PREX1: variants seen among roughly 807,000 people sequenced by gnomAD.
PREX1 encodes the protein phosphatidylinositol 3,4,5-trisphosphate-dependent Rac exchanger 1 protein.
Under a neutral mutation model 198.3 loss-of-function variants are expected in PREX1, and 41 were observed. The observed-to-expected ratio is 0.21, with a 90% CI of 0.16 to 0.27. The LOEUF (loss-of-function observed/expected upper bound fraction) is 0.27, where lower values mean the gene tolerates loss of function less well. Among genes scored for constraint, PREX1 ranks in the 10% least tolerant of loss-of-function variants. The pLI, the probability that PREX1 is intolerant of heterozygous loss-of-function variation, is 1.00. For synonymous variants in PREX1, 843 were observed against 887.2 expected (o/e 0.95, Z 0.89); for missense variants, 1,620 against 2,200.7 (o/e 0.74, Z 5.28).
At chr20:48,731,683 C>T (rs548801476) in intron 4 of PREX1, among the ~76,000 whole-genome samples, 2 of 152,354 alleles carry the variant, frequency 1.3e-5, no homozygotes, top group African/African-American at 4.8e-5. Context: ...CCATAACAGA[C>T]TCATGACAGC....
At chr20:48,670,396 C>T (rs1261680779) in intron 14 of PREX1, among the ~76,000 whole-genome samples, 2 of 152,056 alleles carry the variant, frequency 1.3e-5, no homozygotes, top group African/African-American at 4.8e-5. Context: ...TGCATTTCTG[C>T]AGAGCCAGCA....
intron 1 of PREX1, among the ~76,000 whole-genome samples, chr20:48,823,374 C>T (rs1013607813): frequency 2.0e-5 from 3 of 152,118 alleles, no homozygotes; most frequent in African/African-American, 7.2e-5. Context: ...GGCCCAAGGT[C>T]TACTCAGCCT....
chr20:48,724,964 C>T (rs1470165943), intron 5 of PREX1, among the ~76,000 whole-genome samples: 1 of 152,214 alleles, frequency 6.6e-6, no homozygotes, highest in African/African-American at 2.4e-5. Context: ...TTCGAGATTG[C>T]TGGGAGAGAT....
chr20:48,822,775 G>C (rs1469928474), intron 1 of PREX1, among the ~76,000 whole-genome samples: 2 of 151,962 alleles, frequency 1.3e-5, no homozygotes, highest in South Asian at 2.1e-4. Flanking sequence ...TATAACACAC[G>C]TGTATATTAT....
chr20:48,650,974 T>G lies in PREX1; in HGVS notation c.2737A>C (p.Thr913Pro). ...RLMALSSAIV[T>P]MPHFEFRNIC... Reference sequence around the variant, plus strand: ...TTGCGGAACTCAAAGTGGGGCATGGTCACGATGGCGCTGCTCAGGGCCATG... The same window carrying G: ...TTGCGGAACTCAAAGTGGGGCATGGGCACGATGGCGCTGCTCAGGGCCATG... Residue 913 changes from threonine (T) to proline (P), a missense_variant, in exon 23 of 40, where the codon ACC becomes CCC. Thr to Pro is a conservative substitution (Grantham distance 38). Coordinates refer to ENST00000371941, the MANE Select transcript of PREX1 (RefSeq NM_020820.4). The G allele has an allele frequency of 6.2e-7, 1 of 1,614,172 alleles. No individual in the cohort carries two copies. The highest frequency in any genetic ancestry group is 8.5e-7 in the Non-Finnish European group (1 of 1,180,038).
chr20:48,803,713 C>T (rs948008595), intron 1 of PREX1, among the ~76,000 whole-genome samples: 9 of 152,148 alleles, frequency 5.9e-5, no homozygotes, highest in South Asian at 2.1e-4. Flanking sequence ...GTGGGGCAGC[C>T]GGCACCTCAC....
rs1449893652 is a variant in PREX1, at chr20:48,681,353, T to G, written c.1335-18A>C. The G allele has an allele frequency of 1.2e-6, 2 of 1,612,362 alleles. No homozygotes were observed. Among genetic ancestry groups the G allele is most frequent in the Non-Finnish European group, 1.7e-6 (2 of 1,178,362 alleles). ...CGAACTCACTGCCAGGAACACAATA[T>G]GTGGTTGAGAGGATTTCCCCAATTC... On this transcript the variant is annotated intron_variant, in intron 10 of 39. Coordinates refer to ENST00000371941, the MANE Select transcript of PREX1 (RefSeq NM_020820.4).
chr20:48,852,939 C>T, the PREX1 span, among the ~76,000 whole-genome samples: 3,974 of 152,038 alleles, frequency 0.026, 199 homozygotes, highest in African/African-American at 0.091. Flanking sequence ...GAGTGGGTAA[C>T]CACTTATATA....
chr20:48,774,376 T>C (rs1394045829), intron 1 of PREX1, among the ~76,000 whole-genome samples: 1 of 152,202 alleles, frequency 6.6e-6, no homozygotes, highest in Non-Finnish European at 1.5e-5. Flanking sequence ...TCTCTGTGTG[T>C]CTTCCACTTT....
chr20:48,780,032 T>C (rs2090281232), intron 1 of PREX1, among the ~76,000 whole-genome samples: 1 of 152,244 alleles, frequency 6.6e-6, no homozygotes, highest in African/African-American at 2.4e-5. Context: ...AATTAAATGT[T>C]TGAAAAATTT....
At chr20:48,746,823 T>C (rs2090109777) in intron 2 of PREX1, among the ~76,000 whole-genome samples, 1 of 152,118 alleles carries the variant, frequency 6.6e-6, no homozygotes, top group Non-Finnish European at 1.5e-5. Flanking sequence ...AAATAATTTG[T>C]AAACTATAAC....
At chr20:48,673,610 C>G (rs1258386567) in intron 14 of PREX1, among the ~76,000 whole-genome samples, 5 of 152,176 alleles carry the variant, frequency 3.3e-5, no homozygotes. Context: ...GCACCTAAAC[C>G]ACAAAAGAAA....
chr20:48,685,117 T>C (rs1171366858), intron 10 of PREX1, among the ~76,000 whole-genome samples: 1 of 152,154 alleles, frequency 6.6e-6, no homozygotes, highest in Non-Finnish European at 1.5e-5. Flanking sequence ...TTGTCTGATT[T>C]CCCCCACTGG....
At chr20:48,651,304 T>C in intron 22 of PREX1, 92 bp downstream of exon 22, 6 of 1,482,282 alleles carry the variant, frequency 4.0e-6, no homozygotes, top group Non-Finnish European at 5.4e-6. Flanking sequence ...GGGATTCGGG[T>C]GTCCCACCCA....
In PREX1 at chr20:48,625,940, G is replaced by A. The variant is rs1436350414; in HGVS notation, c.4938-13C>T. 1.9e-6 allele frequency: 3 copies of A among 1,546,766 alleles called. No homozygotes were observed. Among genetic ancestry groups the A allele is most frequent in the Admixed American group, 2.1e-5 (1 of 47,334 alleles). Reference sequence around the variant, plus strand: ...GAGGCGGTAGAGGCTGGGGATGGAGGCAAAGAGAATGAGGAGAGGCCGGGG... The same window carrying A: ...GAGGCGGTAGAGGCTGGGGATGGAGACAAAGAGAATGAGGAGAGGCCGGGG... On this transcript the variant is annotated splice_polypyrimidine_tract_variant and intron_variant, in intron 39 of 39. Coordinates refer to ENST00000371941, the MANE Select transcript of PREX1 (RefSeq NM_020820.4).
Position 48,654,264 on chromosome 20 carries a change from G to A in PREX1, c.2210-767C>T, listed in dbSNP as rs541955323. On this transcript the variant is annotated intron_variant, in intron 19 of 39. Transcript: ENST00000371941. Reference sequence around the variant, plus strand: ...TAACACGTGTGCAGCATTTAGCATCGTGCCTGGCACTCGGTAAGTGCTCAA... The same window carrying A: ...TAACACGTGTGCAGCATTTAGCATCATGCCTGGCACTCGGTAAGTGCTCAA... Among the ~76,000 whole-genome samples the A allele has an allele frequency of 2.0e-4, 30 of 152,366 alleles. No homozygotes were observed. In the South Asian group the frequency reaches 5.2e-3, roughly 26 times the overall value.
chr20:48,816,170 C>G (rs1008806017), intron 1 of PREX1, among the ~76,000 whole-genome samples: 3 of 152,152 alleles, frequency 2.0e-5, no homozygotes, highest in Non-Finnish European at 4.4e-5. Context: ...ATGAGGCCAA[C>G]AGCCAATCAG....
chr20:48,791,438 C>T (rs1289852835), intron 1 of PREX1, among the ~76,000 whole-genome samples: 1 of 152,144 alleles, frequency 6.6e-6, no homozygotes, highest in Non-Finnish European at 1.5e-5. Flanking sequence ...AGTCATTTGC[C>T]CCAAGGTCAC....
chr20:48,646,518 CCT>C (rs1333706220), intron 25 of PREX1, among the ~76,000 whole-genome samples: 3 of 151,984 alleles, frequency 2.0e-5, no homozygotes, highest in Non-Finnish European at 4.4e-5. Flanking sequence ...ATGGCGAAAC[CCT>C]GTCTCTACTA....
Sources: allele counts gnomAD v4.1 joint callset (sites outside exome capture counted in the v4.1 genomes callset), GRCh38; gene constraint gnomAD v4.1.1; transcripts MANE v1.5; gene names NCBI Gene and HGNC (gene_info 2026-07-23, HGNC 2026-07-21).